AKR1E2: variants seen among roughly 807,000 people sequenced by gnomAD.
AKR1E2 encodes the protein 1,5-anhydro-D-fructose reductase.
In AKR1E2, 43 loss-of-function variants were observed where a neutral mutation model predicts 41.9. The ratio of observed to expected loss-of-function variants is 1.03; its 90% CI spans 0.80 to 1.32. The LOEUF (loss-of-function observed/expected upper bound fraction) is 1.32. Among genes scored for constraint, AKR1E2 ranks in the 40% most tolerant of loss-of-function variants. The probability of loss-of-function intolerance (pLI) is 0.00; values close to 1 mark genes in which losing one functional copy is unlikely to be tolerated. For missense variants in AKR1E2, 423 were observed against 396.5 expected (o/e 1.07, Z -0.57); for synonymous variants, 121 against 138.9 (o/e 0.87, Z 0.91).
chr10:4,857,688 T>C, the AKR1E2 span, among the ~76,000 whole-genome samples: 10 of 152,250 alleles, frequency 6.6e-5, no homozygotes, highest in East Asian at 1.9e-3. Flanking sequence ...AAAATAAAAA[T>C]AAAAATTTTT....
At chr10:4,860,433 C>T in the AKR1E2 span, among the ~76,000 whole-genome samples, 2 of 152,254 alleles carry the variant, frequency 1.3e-5, 1 homozygote, top group African/African-American at 4.8e-5. Context: ...TTGTGATGGA[C>T]TCTTCATACT....
At chr10:4,839,862 G>T (rs182405649) in intron 6 of AKR1E2, 36 bp downstream of exon 6, 2 of 1,571,698 alleles carry the variant, frequency 1.3e-6, no homozygotes, top group East Asian at 2.2e-5. Context: ...GTCAGAGTCC[G>T]ACTGGGAAGT....
At chr10:4,864,039 G>A in the AKR1E2 span, among the ~76,000 whole-genome samples, 57 of 152,274 alleles carry the variant, frequency 3.7e-4, no homozygotes, top group South Asian at 0.012. Context: ...GGTACAAGGA[G>A]GAACTGGTAC....
At chr10:4,845,149 G>A (rs575754239) in intron 8 of AKR1E2, among the ~76,000 whole-genome samples, 4 of 152,310 alleles carry the variant, frequency 2.6e-5, no homozygotes, top group East Asian at 1.9e-4. Flanking sequence ...CTCCTCAGCC[G>A]CTGGCCCGAG....
rs771673476 is a variant in AKR1E2 at position 4,847,213 on chromosome 10, A to G, written c.903A>G (p.Arg301=). 6.2e-7 allele frequency: 1 copy of G among 1,614,180 alleles called. No homozygotes were observed. Among genetic ancestry groups the G allele is most frequent in the Non-Finnish European group, 8.5e-7 (1 of 1,180,002 alleles). Residue 301 remains arginine, a synonymous_variant, in exon 9 of 10, where the codon CGA becomes CGG. Coordinates refer to ENST00000298375, the MANE Select transcript of AKR1E2 (RefSeq NM_001040177.3). ...TCCTCAGCCTAAACAGGAATCTCCGACTGGCCATGTTCCCCATGTAAATAT... is the reference window on the plus strand; with the variant it reads ...TCCTCAGCCTAAACAGGAATCTCCGGCTGGCCATGTTCCCCATGTAAATAT... ...DNILSLNRNL[R]LAMFPITKNH...
rs199764036 is a variant in AKR1E2 at position 4,835,654 on chromosome 10, C to T, written c.325-21C>T. 66 of 1,612,466 alleles carry T rather than the reference C, an allele frequency of 4.1e-5. No homozygotes were observed. The Admixed American group carries it at 1.1e-3, about 26-fold the overall frequency. ...TTTGTTTTGTTTTGTTTTCACACATCTCAACTCTCCTTCTTCGCAGCCTCC... is the reference window on the plus strand; with the variant it reads ...TTTGTTTTGTTTTGTTTTCACACATTTCAACTCTCCTTCTTCGCAGCCTCC... On this transcript the variant is annotated intron_variant, in intron 3 of 9. Transcript: ENST00000298375.
intron 2 of AKR1E2, among the ~76,000 whole-genome samples, chr10:4,831,936 T>G (rs1399725721): frequency 1.3e-5 from 2 of 152,018 alleles, no homozygotes; most frequent in African/African-American, 4.8e-5. Context: ...GGAGGCCAGG[T>G]AGGAGACATT....
At chr10:4,843,947 AT>A (rs1459145955) in intron 8 of AKR1E2, among the ~76,000 whole-genome samples, 1 of 152,174 alleles carries the variant, frequency 6.6e-6, no homozygotes, top group Non-Finnish European at 1.5e-5. Flanking sequence ...GTTCTCTCCA[AT>A]GGCTGCTGAC....
chr10:4,844,976 T>C (rs988170842), intron 8 of AKR1E2, among the ~76,000 whole-genome samples: 3 of 152,128 alleles, frequency 2.0e-5, no homozygotes, highest in African/African-American at 7.2e-5. Context: ...GCGGTGCTCG[T>C]TGGGGAGGCT....
the AKR1E2 span, among the ~76,000 whole-genome samples, chr10:4,867,331 G>C: frequency 6.6e-6 from 1 of 152,190 alleles, no homozygotes; most frequent in Non-Finnish European, 1.5e-5. Flanking sequence ...TGTGTTCACT[G>C]TTGTACAATT....
chr10:4,843,722 A>G (rs1834069383), intron 8 of AKR1E2, among the ~76,000 whole-genome samples: 1 of 152,248 alleles, frequency 6.6e-6, no homozygotes, highest in South Asian at 2.1e-4. Flanking sequence ...CAGGAGAGGC[A>G]GGCCACCCAC....
At position 4,841,943 on chromosome 10, in the gene AKR1E2, G is replaced by A. The variant is rs1055862761; in HGVS notation, c.753+86G>A. On this transcript the variant is annotated intron_variant, in intron 7 of 9. Coordinates refer to ENST00000298375, the MANE Select transcript of AKR1E2 (RefSeq NM_001040177.3). ...GAGTCCTGGGGCTTGGCAGGTCCCAGGAAGGGACTGGCTCACCCAGGTGAG... is the reference window on the plus strand; with the variant it reads ...GAGTCCTGGGGCTTGGCAGGTCCCAAGAAGGGACTGGCTCACCCAGGTGAG... 3 of 1,240,076 alleles carry A rather than the reference G, an allele frequency of 2.4e-6. No homozygotes were observed. In the African/African-American group the frequency reaches 4.5e-5, roughly 19 times the overall value. 76.8% of individuals were successfully genotyped at this position (1,240,076 alleles called of 1,614,324 possible).
chr10:4,842,359 A>G lies in AKR1E2; in HGVS notation c.754-62A>G, dbSNP rs561564636. On this transcript the variant is annotated intron_variant, in intron 7 of 9. Transcript: ENST00000298375. ...TGCATGATAAAACTCACATGTTAGAAAATAACTTAGACTACATGGGATTTC... is the reference window on the plus strand; with the variant it reads ...TGCATGATAAAACTCACATGTTAGAGAATAACTTAGACTACATGGGATTTC... The G allele has an allele frequency of 3.4e-6, 5 of 1,474,184 alleles. No individual in the cohort carries two copies. In the African/African-American group the frequency reaches 6.9e-5, roughly 20 times the overall value. 91.3% of individuals were successfully genotyped at this position (1,474,184 alleles called of 1,614,324 possible).
the AKR1E2 span, among the ~76,000 whole-genome samples, chr10:4,861,656 A>G: frequency 6.6e-6 from 1 of 152,306 alleles, no homozygotes; most frequent in South Asian, 2.1e-4. Flanking sequence ...GGCATGAACC[A>G]CCGCGCCTGG....
chr10:4,863,373 C>T, the AKR1E2 span, among the ~76,000 whole-genome samples: 5 of 152,026 alleles, frequency 3.3e-5, no homozygotes, highest in Non-Finnish European at 5.9e-5. Flanking sequence ...GGGTACATAA[C>T]AAAATGAAGG....
downstream of AKR1E2, among the ~76,000 whole-genome samples, chr10:4,850,682 C>T (rs1834504263): frequency 6.6e-6 from 1 of 152,130 alleles, no homozygotes; most frequent in Non-Finnish European, 1.5e-5. Flanking sequence ...ATTACAATTC[C>T]TTACTGCCTA....
intron 3 of AKR1E2, 121 bp from the exon 4 acceptor site, chr10:4,835,554 C>A: frequency 7.8e-7 from 1 of 1,276,420 alleles, no homozygotes; most frequent in East Asian, 2.6e-5. Flanking sequence ...GGCCTGGTCA[C>A]ATGGCCAGGC....
At chr10:4,852,308 A>T (rs1801200858), downstream of AKR1E2, among the ~76,000 whole-genome samples, 1 of 152,192 alleles carries the variant, frequency 6.6e-6, no homozygotes, top group Non-Finnish European at 1.5e-5. Context: ...TCTAGGGGGA[A>T]GTGGAAAATT....
chr10:4,847,144 C>G lies in AKR1E2; in HGVS notation c.838-4C>G. The stretch of plus-strand genomic sequence containing the variant: ...TTTCTACAAACATTGTGTTTTGGTT[C>G]CAGGTGTTTGATTTTGAATTAACAC... On this transcript the variant is annotated splice_polypyrimidine_tract_variant and splice_region_variant and intron_variant, in intron 8 of 9. Coordinates refer to ENST00000298375, the MANE Select transcript of AKR1E2 (RefSeq NM_001040177.3). 1 of 1,613,310 alleles carries G rather than the reference C, an allele frequency of 6.2e-7. No individual in the cohort carries two copies. The highest frequency in any genetic ancestry group is 8.5e-7 in the Non-Finnish European group (1 of 1,179,838).
Sources: gnomAD v4.1 joint callset for allele counts (sites outside exome capture counted in the v4.1 genomes callset) on GRCh38, gnomAD v4.1.1 for gene constraint, MANE v1.5 for transcripts, NCBI Gene and HGNC (gene_info 2026-07-23, HGNC 2026-07-21) for gene names.